Variants in ZYG11A observed in about 807,000 individuals in gnomAD.
ZYG11A encodes protein zyg-11 homolog A.
ZYG11A carries 62 observed loss-of-function variants against 77.2 expected under a neutral mutation model. The observed-to-expected ratio is 0.80, with a 90% CI of 0.65 to 0.99. The LOEUF is 0.99. Ranked by LOEUF, ZYG11A falls within the 50% of genes least tolerant of loss-of-function variation. ZYG11A has a pLI of 0.00. For missense variants in ZYG11A, 828 were observed against 896.8 expected (o/e 0.92, Z 0.98); for synonymous variants, 315 against 324.6 (o/e 0.97, Z 0.32).
At chr1:52,889,804 C>T (rs1057480402) in intron 13 of ZYG11A, among the ~76,000 whole-genome samples, 13 of 151,464 alleles carry the variant, frequency 8.6e-5, no homozygotes, top group Admixed American at 5.9e-4. Context: ...CTCTGCCTCC[C>T]GGGTTCACGC....
At chr1:52,847,301 G>T (rs1645608182) in intron 1 of ZYG11A, among the ~76,000 whole-genome samples, 1 of 152,022 alleles carries the variant, frequency 6.6e-6, no homozygotes, top group South Asian at 2.1e-4. Context: ...TCCTGACCTT[G>T]TGATCCACCC....
chr1:52,875,682 A>G (rs900731920), intron 8 of ZYG11A, among the ~76,000 whole-genome samples: 1 of 150,354 alleles, frequency 6.7e-6, no homozygotes, highest in African/African-American at 2.5e-5. Context: ...TTGAAGATTC[A>G]AGTTTGAGGT....
chr1:52,857,894 T>A, intron 3 of ZYG11A, 145 bp downstream of exon 3: 5 of 594,546 alleles, frequency 8.4e-6, no homozygotes, highest in Non-Finnish European at 1.4e-5. Context: ...TTAATGATTA[T>A]TATGTACCTA....
chr1:52,848,980 A>G (rs1645651703), intron 1 of ZYG11A, among the ~76,000 whole-genome samples: 1 of 152,222 alleles, frequency 6.6e-6, no homozygotes, highest in Non-Finnish European at 1.5e-5. Flanking sequence ...ACCACAGAGC[A>G]GTTTTATAGG....
Position 52,860,843 on chromosome 1 carries a change from T to C in ZYG11A, c.1121T>C (p.Met374Thr), listed in dbSNP as rs1203718577. 1.9e-6 allele frequency: 3 copies of C among 1,551,744 alleles called. No individual in the cohort carries two copies. Among genetic ancestry groups the C allele is most frequent in the Non-Finnish European group, 2.6e-6 (3 of 1,146,998 alleles). The change falls in exon 4 of 14, where the codon ATG becomes ACG. Residue 374 changes from methionine (M) to threonine (T), a missense_variant. Met to Thr is a moderately conservative substitution (Grantham distance 81, BLOSUM62 -1). Coordinates refer to ENST00000371528, the MANE Select transcript of ZYG11A (RefSeq NM_001004339.3). ...AGGCTGTTCACAGAGACATTTTCAATGGAGGTAACCATGCCTGCTATTTTA... is the reference window on the plus strand; with the variant it reads ...AGGCTGTTCACAGAGACATTTTCAACGGAGGTAACCATGCCTGCTATTTTA... ...LHRLFTETFS[M>T]EVTMPAILKL...
At chr1:52,844,395 G>A (rs1002517447) in intron 1 of ZYG11A, among the ~76,000 whole-genome samples, 4 of 152,234 alleles carry the variant, frequency 2.6e-5, no homozygotes, top group African/African-American at 9.6e-5. Context: ...TGCTAGCATC[G>A]TCTCAAGCAC....
chr1:52,888,251 A>G (rs1188390888), intron 13 of ZYG11A, among the ~76,000 whole-genome samples: 1 of 152,230 alleles, frequency 6.6e-6, no homozygotes, highest in African/African-American at 2.4e-5. Context: ...ATTTCTTTTC[A>G]GTTTATTAAT....
At chr1:52,875,024 T>C (rs1557450117) in intron 8 of ZYG11A, among the ~76,000 whole-genome samples, 2 of 152,330 alleles carry the variant, frequency 1.3e-5, no homozygotes, top group East Asian at 1.9e-4. Context: ...TAGATGTGCC[T>C]GTTTATTGGA....
chr1:52,849,072 TC>T (rs1258061422), intron 1 of ZYG11A, among the ~76,000 whole-genome samples: 3 of 152,070 alleles, frequency 2.0e-5, no homozygotes, highest in Middle Eastern at 3.2e-3. Context: ...TACTTCTTTT[TC>T]TTTTTTTTTG....
chr1:52,879,747 C>CTTTTTTATTTAT (rs1553124483), intron 10 of ZYG11A, among the ~76,000 whole-genome samples: 1 of 142,980 alleles, frequency 7.0e-6, no homozygotes, highest in East Asian at 2.0e-4. Context: ...TTCCACTTTT[C>CTTTTTTATTTAT]TTATTTATTT....
intron 1 of ZYG11A, among the ~76,000 whole-genome samples, chr1:52,848,412 T>C (rs483073): frequency 0.41 from 63,032 of 152,132 alleles, 15,875 homozygotes; most frequent in Non-Finnish European, 0.58. Flanking sequence ...TTTCCCATAT[T>C]GTGCTTTTTT....
In ZYG11A at chr1:52,857,725, C is replaced by A; in HGVS notation, c.984C>A (p.Phe328Leu). 1 of 1,549,998 alleles carries A rather than the reference C, an allele frequency of 6.5e-7. No individual in the cohort carries two copies. The part of the protein sequence containing the change: ...LLATDAGSSD[F>L]FTTKQGLRVA... ...CCACGGATGCTGGCTCTTCTGACTT[C>A]TTTACTACAAAGCAAGGCTTGAGGG... Residue 328 changes from phenylalanine (F) to leucine (L), a missense_variant, in exon 3 of 14, where the codon TTC becomes TTA. By Grantham distance (22) the Phe-to-Leu change is conservative. Transcript: ENST00000371528.
chr1:52,867,518 AAAAT>A lies in ZYG11A; in HGVS notation c.1392-15_1392-12del. The A allele has an allele frequency of 6.6e-7, 1 of 1,506,942 alleles. No individual in the cohort carries two copies. The highest frequency in any genetic ancestry group is 9.0e-7 in the Non-Finnish European group (1 of 1,107,076). The allele number at this position is 1,506,942 out of a possible 1,614,324, so 93.3% of individuals were successfully genotyped here. A position where few individuals can be genotyped will look rare whatever the true frequency, so the allele number is the denominator to read the frequency against. ...ACAAACTTTATATATAATTGTGAGA[AAAAT>A]AAATACTGCTTTTCAGGTTTGATGC... On this transcript the variant is annotated splice_polypyrimidine_tract_variant and intron_variant, in intron 6 of 13. Coordinates refer to ENST00000371528, the MANE Select transcript of ZYG11A (RefSeq NM_001004339.3).
At chr1:52,866,639 C>CT (rs1646032151) in intron 6 of ZYG11A, 72 bp downstream of exon 6, 1 of 903,054 alleles carries the variant, frequency 1.1e-6, no homozygotes, top group African/African-American at 1.7e-5. Context: ...CTGATTAAGG[C>CT]TGGGATAAGG....
chr1:52,870,910 AT>A (rs373456659), intron 8 of ZYG11A, among the ~76,000 whole-genome samples: 2 of 151,484 alleles, frequency 1.3e-5, no homozygotes, highest in African/African-American at 4.9e-5. Context: ...GGGAGAGGGG[AT>A]TTTTTTATAC....
intron 8 of ZYG11A, among the ~76,000 whole-genome samples, chr1:52,874,230 T>G (rs1450546611): frequency 2.2e-5 from 2 of 91,628 alleles, no homozygotes; most frequent in East Asian, 2.1e-4. Context: ...GTTTTTTAGC[T>G]CTCTCTCTCT....
intron 1 of ZYG11A, among the ~76,000 whole-genome samples, chr1:52,853,083 C>T (rs1311272532): frequency 1.3e-5 from 2 of 152,192 alleles, no homozygotes; most frequent in Non-Finnish European, 2.9e-5. Context: ...CCCATTGACA[C>T]TTGTTGATGG....
chr1:52,881,685 A>T lies in ZYG11A; in HGVS notation c.1944+20A>T. The stretch of plus-strand genomic sequence containing the variant: ...GATCTGGTACAGGAACCACATTCTT[A>T]TTTATAAAATCCAGAGTAATCTCTA... On this transcript the variant is annotated intron_variant, in intron 11 of 13. Coordinates refer to ENST00000371528, the MANE Select transcript of ZYG11A (RefSeq NM_001004339.3). 1 of 1,510,444 alleles carries T rather than the reference A, an allele frequency of 6.6e-7. No homozygotes were observed. 93.6% of individuals were successfully genotyped at this position (1,510,444 alleles called of 1,614,324 possible).
At position 52,857,372 on chromosome 1, in the gene ZYG11A, G is replaced by A. The variant is rs981019274; in HGVS notation, c.631G>A (p.Asp211Asn). 3 of 1,551,786 alleles carry A rather than the reference G, an allele frequency of 1.9e-6. No homozygotes were observed. Among genetic ancestry groups the A allele is most frequent in the Non-Finnish European group, 2.6e-6 (3 of 1,146,988 alleles). Residue 211 changes from aspartate to asparagine, a missense_variant, in exon 3 of 14, where the codon GAT becomes AAT. Asp to Asn is a conservative substitution (Grantham distance 23, BLOSUM62 1). Transcript: ENST00000371528. ...TCAGTTACCAAGACTGGAAAGCTTA[G>A]ATATCTCTAATACTCTAGTCACTGA... The part of the protein sequence containing the change: ...VSQLPRLESL[D>N]ISNTLVTDIS...
Sources: allele counts gnomAD v4.1 joint callset (sites outside exome capture counted in the v4.1 genomes callset), GRCh38; gene constraint gnomAD v4.1.1; transcripts MANE v1.5; gene names NCBI Gene and HGNC (gene_info 2026-07-23, HGNC 2026-07-21).